Variants in GPM6B observed in about 807,000 individuals in gnomAD.
The protein encoded by GPM6B is neuronal membrane glycoprotein M6-b.
GPM6B carries 4 observed loss-of-function variants against 27.2 expected under a neutral mutation model. That is an observed-to-expected ratio of 0.15 (90% CI 0.07 to 0.34). The LOEUF is 0.34. Among genes scored for constraint, GPM6B ranks in the 10% least tolerant of loss-of-function variants. The pLI, the probability that GPM6B is intolerant of heterozygous loss-of-function variation, is 1.00. For missense variants in GPM6B, 183 were observed against 261.9 expected (o/e 0.70, Z 2.08); for synonymous variants, 124 against 103.1 (o/e 1.20, Z -1.23).
At position 13,776,241 on chromosome X, in the gene GPM6B, G is replaced by A. The variant is rs762935431; in HGVS notation, c.834C>T (p.Ala278=). ...ACAGAGATVI[A]LIHFLMILSS... ...TGGTCTTGGGGCCATTACTCACCAG[G>A]GCAATGACGGTGGCACCAGCTCCTG... The change falls in exon 7 of 8, where the codon GCC becomes GCT. Residue 278 remains alanine (A), a synonymous_variant. Transcript: ENST00000316715. The A allele has an allele frequency of 3.3e-6, 4 of 1,205,363 alleles. No homozygotes were observed. The highest frequency in any genetic ancestry group is 2.2e-6 in the Non-Finnish European group (2 of 889,969).
upstream of GPM6B, among the ~76,000 whole-genome samples, chrX:13,821,978 T>C (rs185271979): frequency 1.4e-3 from 156 of 111,906 alleles, 1 homozygote; most frequent in African/African-American, 4.8e-3. Context: ...TACTGACACA[T>C]CCTTATCCTA....
chrX:13,781,674 T>G (rs1306864780), intron 4 of GPM6B, among the ~76,000 whole-genome samples: 2 of 111,716 alleles, frequency 1.8e-5, no homozygotes, highest in Non-Finnish European at 3.8e-5. Context: ...ACTTGTGACC[T>G]GGAAGCCCCC....
intron 1 of GPM6B, among the ~76,000 whole-genome samples, chrX:13,919,345 G>A (rs917167465): frequency 1.8e-5 from 2 of 112,041 alleles, no homozygotes; most frequent in African/African-American, 6.5e-5. Context: ...CATCCTCAAA[G>A]ACCAACATCT....
At chrX:13,872,851 A>G (rs894802528) in intron 1 of GPM6B, among the ~76,000 whole-genome samples, 4 of 110,885 alleles carry the variant, frequency 3.6e-5, no homozygotes, top group Non-Finnish European at 5.7e-5. Flanking sequence ...GTGGGGCAGG[A>G]CCAGGACTAC....
Position 13,785,753 on chromosome X carries a change from C to T in GPM6B, c.237G>A (p.Val79=), listed in dbSNP as rs764145658. 19 of 1,209,664 alleles carry T rather than the reference C, an allele frequency of 1.6e-5. No individual in the cohort carries two copies. In the Admixed American group the frequency reaches 3.3e-4, roughly 21 times the overall value. The change falls in exon 3 of 8, where the codon GTG becomes GTA. Residue 79 remains valine, a synonymous_variant. Transcript: ENST00000316715. ...CLGGVPYASL[V]ATILCFSGVA... is the part of the protein sequence containing the mutation. Reference sequence around the variant, plus strand: ...CCCCGGAGAAGCAGAGGATGGTGGCCACCAGGGAGGCGTAGGGGACTCCTC... The same window carrying T: ...CCCCGGAGAAGCAGAGGATGGTGGCTACCAGGGAGGCGTAGGGGACTCCTC...
chrX:13,829,626 G>A (rs2049415920), intron 1 of GPM6B, among the ~76,000 whole-genome samples: 1 of 110,954 alleles, frequency 9.0e-6, no homozygotes, highest in Admixed American at 9.6e-5. Flanking sequence ...CCAGACCTGT[G>A]CTCTGTCCTC....
chrX:13,868,115 C>A (rs1427131811), intron 1 of GPM6B, among the ~76,000 whole-genome samples: 1 of 111,113 alleles, frequency 9.0e-6, no homozygotes, highest in Non-Finnish European at 1.9e-5. Flanking sequence ...AGGTGAAACA[C>A]CAGAATATGG....
intron 1 of GPM6B, among the ~76,000 whole-genome samples, chrX:13,910,787 GATTA>G (rs896411248): frequency 8.9e-6 from 1 of 112,548 alleles, no homozygotes; most frequent in African/African-American, 3.2e-5. Flanking sequence ...TTCTAAAGGG[GATTA>G]ATTTATGCAG....
rs1039117311 is a variant in GPM6B, at chrX:13,774,194, T to A, written c.838-1164A>T. 2.6e-5 allele frequency: 20 copies of A among 758,916 alleles called. No individual in the cohort carries two copies. The Middle Eastern group carries it at 2.9e-3, about 111-fold the overall frequency. The allele number at this position is 758,916 out of a possible 1,213,427, so 62.5% of individuals were successfully genotyped here. ...TCATTTTCATCATTGAAACTGGTTA[T>A]CAGGCAATCAAAAATAACAGAAAAT... On this transcript the variant is annotated intron_variant, in intron 7 of 7. Coordinates refer to ENST00000316715, the MANE Select transcript of GPM6B (RefSeq NM_001001995.3).
chrX:13,783,642 G>A (rs772514540), intron 3 of GPM6B, 121 bp from the exon 4 acceptor site: 2 of 593,253 alleles, frequency 3.4e-6, no homozygotes, highest in Non-Finnish European at 5.4e-6. Flanking sequence ...TCGCCCCACT[G>A]ATGGCTTTGA....
At chrX:13,851,769 G>T (rs1462174826) in intron 1 of GPM6B, among the ~76,000 whole-genome samples, 1 of 110,833 alleles carries the variant, frequency 9.0e-6, no homozygotes, top group Non-Finnish European at 1.9e-5. Flanking sequence ...ATTTAGCTAG[G>T]GTATCATTGC....
chrX:13,919,107 G>A (rs989173024), intron 1 of GPM6B, among the ~76,000 whole-genome samples: 4 of 111,857 alleles, frequency 3.6e-5, no homozygotes, highest in African/African-American at 9.7e-5. Context: ...ATCACAAAGC[G>A]GGATTAGGCA....
At chrX:13,904,345 T>G (rs936068998) in intron 1 of GPM6B, among the ~76,000 whole-genome samples, 2 of 111,803 alleles carry the variant, frequency 1.8e-5, no homozygotes, top group Admixed American at 9.5e-5. Context: ...TCACAAGTAT[T>G]GCTAAGTCAC....
At chrX:13,851,353 T>C (rs1241634079) in intron 1 of GPM6B, among the ~76,000 whole-genome samples, 1 of 110,404 alleles carries the variant, frequency 9.1e-6, no homozygotes, top group Non-Finnish European at 1.9e-5. Flanking sequence ...TTGGTTTCCT[T>C]ACCTGTAGAG....
At chrX:13,826,859 G>T (rs1389534274) in intron 1 of GPM6B, among the ~76,000 whole-genome samples, 2 of 110,723 alleles carry the variant, frequency 1.8e-5, no homozygotes, top group Non-Finnish European at 3.8e-5. Flanking sequence ...CATCCCATGG[G>T]GCACTTGGAT....
intron 2 of GPM6B, among the ~76,000 whole-genome samples, chrX:13,789,502 G>A (rs748602714): frequency 1.3e-4 from 15 of 111,534 alleles, no homozygotes; most frequent in Admixed American, 4.7e-4. Context: ...TTGACCAGGC[G>A]CCGTGGCTCA....
chrX:13,860,803 T>C (rs988062999), intron 1 of GPM6B, among the ~76,000 whole-genome samples: 15 of 107,538 alleles, frequency 1.4e-4, no homozygotes, highest in Non-Finnish European at 2.3e-4. Flanking sequence ...TCCCCCCGAG[T>C]CCCCAAATCC....
At chrX:13,827,271 CTTTTTTTTTTTT>C (rs1173680918) in intron 1 of GPM6B, among the ~76,000 whole-genome samples, 5 of 73,643 alleles carry the variant, frequency 6.8e-5, no homozygotes, top group South Asian at 6.5e-4. Context: ...TACCGACTTC[CTTTTTTTTTTTT>C]TTTTTTTTTT....
chrX:13,785,387 G>A (rs2239997), intron 3 of GPM6B, among the ~76,000 whole-genome samples: 30,906 of 109,902 alleles, frequency 0.28, 3,826 homozygotes, highest in South Asian at 0.49. Context: ...GGTTCAACTG[G>A]TTCTCCTGCC....
Sources: allele counts gnomAD v4.1 joint callset (sites outside exome capture counted in the v4.1 genomes callset), GRCh38; gene constraint gnomAD v4.1.1; transcripts MANE v1.5; gene names NCBI Gene and HGNC (gene_info 2026-07-23, HGNC 2026-07-21).